BABAM2: variants seen among roughly 807,000 people sequenced by gnomAD.
BABAM2 encodes BRISC and BRCA1 A complex member 2.
In BABAM2, 31 loss-of-function variants were observed where a neutral mutation model predicts 54.7. The observed-to-expected ratio is 0.57, with a 90% CI of 0.43 to 0.77. The LOEUF (loss-of-function observed/expected upper bound fraction) is 0.77, where lower values mean the gene tolerates loss of function less well. BABAM2 is among the 30% of genes least tolerant of loss of function. The pLI, the probability that BABAM2 is intolerant of heterozygous loss-of-function variation, is 0.00. For synonymous variants in BABAM2, 167 were observed against 162.9 expected (o/e 1.03, Z -0.19); for missense variants, 364 against 455.8 (o/e 0.80, Z 1.83).
At chr2:28,146,602 A>G (rs539308139) in intron 7 of BABAM2, among the ~76,000 whole-genome samples, 3 of 152,232 alleles carry the variant, frequency 2.0e-5, no homozygotes, top group Non-Finnish European at 4.4e-5. Flanking sequence ...TGAATAAAAT[A>G]TGAAAGGATG....
chr2:27,974,756 A>C lies in BABAM2; in HGVS notation c.206-13237A>C, dbSNP rs534374333. Among the ~76,000 whole-genome samples, 262 of 152,254 alleles carry C rather than the reference A, an allele frequency of 1.7e-3. 1 individual carries two copies. Among genetic ancestry groups the C allele is most frequent in the African/African-American group, 6.1e-3 (252 of 41,558 alleles). On this transcript the variant is annotated intron_variant, in intron 3 of 11. Transcript: ENST00000379624. ...ATAGTACTGGAAGTTGCAGGAAGTC[A>C]AGAAAAAGAAATAAAAGGCATATGG...
chr2:28,312,093 C>T (rs1466995350), intron 11 of BABAM2, among the ~76,000 whole-genome samples: 1 of 152,148 alleles, frequency 6.6e-6, no homozygotes, highest in Non-Finnish European at 1.5e-5. Context: ...GATGTGGAGT[C>T]CAGCCAAGGC....
chr2:28,191,035 A>G (rs1038086644), intron 7 of BABAM2, among the ~76,000 whole-genome samples: 1 of 152,214 alleles, frequency 6.6e-6, no homozygotes, highest in African/African-American at 2.4e-5. Context: ...AACAAACCCA[A>G]AGAGGAGAAA....
At chr2:28,105,071 G>A (rs1667397072) in intron 6 of BABAM2, among the ~76,000 whole-genome samples, 2 of 152,104 alleles carry the variant, frequency 1.3e-5, no homozygotes, top group Admixed American at 6.5e-5. Context: ...GATAGCATTA[G>A]GGGATATACC....
chr2:28,187,223 C>CCT, intron 7 of BABAM2, among the ~76,000 whole-genome samples: 1 of 152,302 alleles, frequency 6.6e-6, no homozygotes, highest in East Asian at 1.9e-4. Context: ...TGCAACTCAG[C>CCT]CTGAATCTTG....
chr2:28,148,961 G>A (rs1426714912), intron 7 of BABAM2, among the ~76,000 whole-genome samples: 3 of 152,158 alleles, frequency 2.0e-5, no homozygotes, highest in Non-Finnish European at 4.4e-5. Flanking sequence ...AAGCCGACCA[G>A]CTCAAACTGG....
intron 7 of BABAM2, among the ~76,000 whole-genome samples, chr2:28,178,195 A>G (rs984428843): frequency 2.0e-5 from 3 of 152,208 alleles, no homozygotes; most frequent in African/African-American, 7.2e-5. Flanking sequence ...CAGAAAATAC[A>G]CACATTCTTC....
chr2:28,205,364 A>G (rs1018144790), intron 7 of BABAM2, among the ~76,000 whole-genome samples: 2 of 152,094 alleles, frequency 1.3e-5, no homozygotes, highest in African/African-American at 4.8e-5. Context: ...TTAGCTGGGC[A>G]TGATGGCACG....
At chr2:28,282,766 G>T (rs990279359) in intron 10 of BABAM2, among the ~76,000 whole-genome samples, 1 of 151,964 alleles carries the variant, frequency 6.6e-6, no homozygotes, top group Non-Finnish European at 1.5e-5. Flanking sequence ...TTGGGAGGCC[G>T]AGGTGGGCGA....
intron 3 of BABAM2, among the ~76,000 whole-genome samples, chr2:27,979,279 C>T (rs1671832041): frequency 6.6e-6 from 1 of 152,006 alleles, no homozygotes; most frequent in Non-Finnish European, 1.5e-5. Flanking sequence ...GGTGATCCAT[C>T]TGCCTCAGCC....
intron 2 of BABAM2, among the ~76,000 whole-genome samples, chr2:27,917,064 C>A (rs1667028074): frequency 1.5e-5 from 2 of 136,972 alleles, no homozygotes; most frequent in South Asian, 4.5e-4. Context: ...TGTTGCCAGG[C>A]TGGAGTGCAG....
chr2:28,031,737 G>A (rs1352143889), intron 5 of BABAM2, among the ~76,000 whole-genome samples: 3 of 152,146 alleles, frequency 2.0e-5, no homozygotes, highest in Non-Finnish European at 2.9e-5. Context: ...ACTGAGGAAG[G>A]GAGTAACCAA....
intron 2 of BABAM2, among the ~76,000 whole-genome samples, chr2:27,903,687 C>T (rs1461959806): frequency 6.6e-6 from 1 of 152,134 alleles, no homozygotes; most frequent in Non-Finnish European, 1.5e-5. Context: ...TGTCTTCCAC[C>T]CACAAATTTA....
Position 28,102,219 on chromosome 2 carries a change from C to T in BABAM2, c.571-27052C>T, listed in dbSNP as rs534914604. Among the ~76,000 whole-genome samples, 67 of 152,262 alleles carry T rather than the reference C, an allele frequency of 4.4e-4. No individual in the cohort carries two copies. In the South Asian group the frequency reaches 0.012, roughly 28 times the overall value. ...TTGAATAAATAAATGAATAATGAAA[C>T]GCTTTTTCACTGTGCTTGGGTAATA... On this transcript the variant is annotated intron_variant, in intron 6 of 11. Transcript: ENST00000379624.
intron 7 of BABAM2, among the ~76,000 whole-genome samples, chr2:28,229,498 T>C (rs911486996): frequency 2.1e-4 from 32 of 152,240 alleles, no homozygotes; most frequent in African/African-American, 7.5e-4. Context: ...AAATTCCTCT[T>C]AATGCCTTTT....
intron 6 of BABAM2, among the ~76,000 whole-genome samples, chr2:28,120,489 G>T (rs756142875): frequency 1.3e-5 from 2 of 152,116 alleles, no homozygotes; most frequent in Non-Finnish European, 2.9e-5. Flanking sequence ...GCATACATGG[G>T]TTCAAAACTC....
intron 6 of BABAM2, among the ~76,000 whole-genome samples, chr2:28,125,698 A>AAGTTCC (rs1416848851): frequency 6.6e-6 from 1 of 152,240 alleles, no homozygotes; most frequent in South Asian, 2.1e-4. Context: ...TTAAAAATAT[A>AAGTTCC]AGTTCCACTA....
At chr2:27,902,261 A>G (rs962859843) in intron 2 of BABAM2, among the ~76,000 whole-genome samples, 1 of 152,204 alleles carries the variant, frequency 6.6e-6, no homozygotes, top group Non-Finnish European at 1.5e-5. Context: ...TTAAAAAATG[A>G]ATGAGAACAA....
At chr2:27,890,178 C>T, upstream of BABAM2, 2 of 1,414,862 alleles carry the variant, frequency 1.4e-6, no homozygotes, top group Non-Finnish European at 2.0e-6. This position sits in a 1 kb window ranked among gnomAD's most constrained non-coding sequence, Gnocchi z 4.8. Context: ...ACCCAGCGCC[C>T]AAAAGCTCCA....
Sources: allele counts gnomAD v4.1 joint callset (sites outside exome capture counted in the v4.1 genomes callset), GRCh38; gene constraint gnomAD v4.1.1; non-coding constraint Gnocchi (gnomAD v3.1); transcripts MANE v1.5; gene names NCBI Gene and HGNC (gene_info 2026-07-23, HGNC 2026-07-21).